Variants in RANBP2 observed in about 807,000 individuals in gnomAD.
RANBP2 encodes the protein RAN binding protein 2, also known as E3 SUMO-protein ligase RanBP2.
Under a neutral mutation model 303.6 loss-of-function variants are expected in RANBP2, and 57 were observed. The ratio of observed to expected loss-of-function variants is 0.19; its 90% CI spans 0.15 to 0.23. The LOEUF is 0.23. Ranked by LOEUF, RANBP2 falls within the 10% of genes least tolerant of loss-of-function variation. RANBP2 has a pLI of 1.00. For synonymous variants in RANBP2, 1,167 were observed against 1,301.5 expected (o/e 0.90, Z 2.23); for missense variants, 3,138 against 3,780.8 (o/e 0.83, Z 4.46).
At chr2:109,128,968 GCGCGCACCCC>G in the RANBP2 span, 1 of 422,000 alleles carries the variant, frequency 2.4e-6, no homozygotes, top group Non-Finnish European at 4.7e-6. Context: ...CGTGACCTCC[GCGCGCACCCC>G]CGCGCACGTG....
At chr2:109,025,956 T>C in the RANBP2 span, among the ~76,000 whole-genome samples, 1 of 152,084 alleles carries the variant, frequency 6.6e-6, no homozygotes, top group Non-Finnish European at 1.5e-5. Context: ...GATGTCCTCA[T>C]CCTGGTGTAA....
chr2:109,667,201 C>T, the RANBP2 span: 1 of 1,219,554 alleles, frequency 8.2e-7, no homozygotes, highest in Non-Finnish European at 1.2e-6. Context: ...AAAGCCTTGC[C>T]ATTTAAGAAC....
At chr2:109,108,371 C>T in the RANBP2 span, among the ~76,000 whole-genome samples, 1 of 152,184 alleles carries the variant, frequency 6.6e-6, no homozygotes, top group Non-Finnish European at 1.5e-5. Flanking sequence ...CTTTTCTTAT[C>T]AATTTATATT....
the RANBP2 span, chr2:109,613,702 T>A: frequency 2.4e-6 from 2 of 844,610 alleles, no homozygotes; most frequent in Non-Finnish European, 1.6e-6. Flanking sequence ...CGGGTCACAA[T>A]CCCGGGCCGG....
the RANBP2 span, among the ~76,000 whole-genome samples, chr2:109,016,133 C>G: frequency 4.6e-5 from 7 of 152,266 alleles, no homozygotes; most frequent in East Asian, 5.8e-4. Context: ...CCAGGCTGGA[C>G]TGCAGTGGCG....
chr2:109,148,019 A>G, the RANBP2 span, among the ~76,000 whole-genome samples: 1 of 152,178 alleles, frequency 6.6e-6, no homozygotes, highest in Non-Finnish European at 1.5e-5. Context: ...GGTATCATGG[A>G]CAAGGTCAGT....
chr2:109,072,607 C>T, the RANBP2 span, among the ~76,000 whole-genome samples: 1 of 152,124 alleles, frequency 6.6e-6, no homozygotes, highest in Admixed American at 6.6e-5. Context: ...TCACTGGGAC[C>T]CTAGGCTAGG....
At chr2:109,685,902 A>G in the RANBP2 span, among the ~76,000 whole-genome samples, 1 of 152,110 alleles carries the variant, frequency 6.6e-6, no homozygotes, top group African/African-American at 2.4e-5. Context: ...AAAGGAGGAG[A>G]GAGAGTTTTG....
chr2:109,298,461 A>G, the RANBP2 span, among the ~76,000 whole-genome samples: 1 of 152,090 alleles, frequency 6.6e-6, no homozygotes, highest in African/African-American at 2.4e-5. Flanking sequence ...GGCTCAGGGA[A>G]AAACCATTTC....
chr2:108,772,734 G>T, intron 22 of RANBP2, 134 bp from the exon 23 acceptor site: 7 of 1,212,874 alleles, frequency 5.8e-6, no homozygotes, highest in Non-Finnish European at 8.1e-6. Flanking sequence ...ATTCTTTTCT[G>T]GGTGGTCCTT....
chr2:109,564,592 T>A, the RANBP2 span: 1 of 1,380,598 alleles, frequency 7.2e-7, no homozygotes, highest in Non-Finnish European at 9.6e-7. Context: ...GGCACACAAC[T>A]AAGTGTTTGC....
At chr2:108,775,481 C>A (rs1677815796) in intron 23 of RANBP2, among the ~76,000 whole-genome samples, 1 of 152,088 alleles carries the variant, frequency 6.6e-6, no homozygotes. Flanking sequence ...TCTTAACCTC[C>A]AGATTATCTC....
chr2:109,541,427 G>A, the RANBP2 span, among the ~76,000 whole-genome samples: 1 of 152,228 alleles, frequency 6.6e-6, no homozygotes, highest in Non-Finnish European at 1.5e-5. Context: ...TGAGTCTATT[G>A]TATCTCTAAA....
the RANBP2 span, among the ~76,000 whole-genome samples, chr2:109,456,748 G>A: frequency 6.6e-6 from 1 of 152,222 alleles, no homozygotes; most frequent in African/African-American, 2.4e-5. Flanking sequence ...GTCCAGAGAG[G>A]CAAGGTGACC....
At chr2:109,692,352 A>C in the RANBP2 span, among the ~76,000 whole-genome samples, 4,754 of 152,156 alleles carry the variant, frequency 0.031, 253 homozygotes, top group African/African-American at 0.11. Flanking sequence ...TTGGGGTAAT[A>C]AAGTGTTCTA....
the RANBP2 span, chr2:109,251,528 C>T: frequency 1.6e-4 from 123 of 750,440 alleles, no homozygotes; most frequent in East Asian, 2.9e-3. Context: ...TCATTTGGTC[C>T]CTTTATGAAT....
At chr2:109,613,079 G>T in the RANBP2 span, 6 of 683,234 alleles carry the variant, frequency 8.8e-6, no homozygotes, top group African/African-American at 3.7e-5. Flanking sequence ...CACAGGCATC[G>T]GGCCTCCAAA....
the RANBP2 span, among the ~76,000 whole-genome samples, chr2:109,344,142 C>G: frequency 8.5e-5 from 13 of 152,212 alleles, no homozygotes; most frequent in African/African-American, 2.9e-4. Flanking sequence ...TAGAGGGGAC[C>G]TGCTACGCAG....
the RANBP2 span, chr2:108,812,513 C>A: frequency 1.4e-6 from 1 of 712,336 alleles, no homozygotes; most frequent in Non-Finnish European, 2.4e-6. Flanking sequence ...TGAATGCTGT[C>A]TCTGTTTTGT....
Sources: gnomAD v4.1 joint callset for allele counts (sites outside exome capture counted in the v4.1 genomes callset) on GRCh38, gnomAD v4.1.1 for gene constraint, MANE v1.5 for transcripts, NCBI Gene and HGNC (gene_info 2026-07-23, HGNC 2026-07-21) for gene names.